Variants in WDFY4 observed in about 807,000 individuals in gnomAD.
WDFY4 encodes WDFY family member 4, also known as WD repeat- and FYVE domain-containing protein 4.
WDFY4 carries 169 observed loss-of-function variants against 351.9 expected under a neutral mutation model. The ratio of observed to expected loss-of-function variants is 0.48; its 90% CI spans 0.42 to 0.55. The LOEUF (loss-of-function observed/expected upper bound fraction) is 0.55. Among genes scored for constraint, WDFY4 ranks in the 20% least tolerant of loss-of-function variants. WDFY4 has a pLI of 0.00. For missense variants in WDFY4, 3,803 were observed against 3,935.6 expected, an observed-to-expected ratio of 0.97 and a Z score of 0.90; for synonymous variants, 1,622 against 1,574.6, an observed-to-expected ratio of 1.03 and a Z score of -0.71.
chr10:48,727,484 A>T lies in WDFY4; in HGVS notation c.796A>T (p.Arg266Trp). The change falls in exon 7 of 62, where the codon AGG (arginine) becomes TGG (tryptophan). Residue 266 changes from arginine to tryptophan, a missense_variant. Arg to Trp is a moderately radical substitution (Grantham distance 101). Coordinates refer to ENST00000325239, the MANE Select transcript of WDFY4 (RefSeq NM_001394531.1). The stretch of plus-strand genomic sequence containing the variant: ...CCCTCCTGCAGCCACAGACTGTGTC[A>T]GGCTCTCCCTCCAGAACCTCTCCAG... ...IQYLQATDCV[R>W]LSLQNLSRLT... 6.4e-7 allele frequency: 1 copy of T among 1,551,706 alleles called. No individual in the cohort carries two copies. The highest frequency in any genetic ancestry group is 8.7e-7 in the Non-Finnish European group (1 of 1,146,980).
At chr10:48,909,013 A>G (rs2133452644) in intron 47 of WDFY4, among the ~76,000 whole-genome samples, 1 of 140,124 alleles carries the variant, frequency 7.1e-6, no homozygotes, top group East Asian at 2.1e-4. Flanking sequence ...ATGGAATCAT[A>G]GAGTATGTGA....
intron 1 of WDFY4, among the ~76,000 whole-genome samples, chr10:48,698,755 G>A (rs578032690): frequency 6.6e-6 from 1 of 152,310 alleles, no homozygotes; most frequent in South Asian, 2.1e-4. Flanking sequence ...TCTGGCGGGT[G>A]AAGGGCTTTA....
At chr10:48,863,538 A>G (rs1214991428) in intron 39 of WDFY4, among the ~76,000 whole-genome samples, 1 of 152,064 alleles carries the variant, frequency 6.6e-6, no homozygotes. Flanking sequence ...CCATTTTTAA[A>G]TTGGATTATT....
chr10:48,934,402 C>T (rs1840223640), intron 47 of WDFY4, among the ~76,000 whole-genome samples: 1 of 152,200 alleles, frequency 6.6e-6, no homozygotes, highest in Non-Finnish European at 1.5e-5. Context: ...TTCATCTCCA[C>T]CGGGGGGATA....
In WDFY4 at chr10:48,804,861, G is replaced by A. The variant is rs979438604; in HGVS notation, c.4485-399G>A. On this transcript the variant is annotated intron_variant, in intron 25 of 61. Coordinates refer to ENST00000325239, the MANE Select transcript of WDFY4 (RefSeq NM_001394531.1). ...CCACTTTGTGGTTTGGGGCGGGCAG[G>A]AAGATCACACAACCAGACAAGCTAG... The A allele has an allele frequency of 2.5e-5, 22 of 863,032 alleles. No individual in the cohort carries two copies. In the African/African-American group the frequency reaches 3.7e-4, roughly 14 times the overall value. 53.5% of individuals were successfully genotyped at this position (863,032 alleles called of 1,614,324 possible). A position where few individuals can be genotyped will look rare whatever the true frequency, so the allele number is the denominator to read the frequency against.
chr10:48,687,739 C>G (rs913930029), intron 1 of WDFY4, among the ~76,000 whole-genome samples: 1 of 150,722 alleles, frequency 6.6e-6, no homozygotes, highest in Admixed American at 6.6e-5. Flanking sequence ...CTCAGCCTCC[C>G]TAGTAGCTGA....
rs766279131 is a variant in WDFY4 at position 48,731,578 on chromosome 10, T to C, written c.1582+16T>C. The C allele has an allele frequency of 3.3e-5, 51 of 1,544,840 alleles. No individual in the cohort carries two copies. In the African/African-American group the frequency reaches 4.7e-4, roughly 14 times the overall value. On this transcript the variant is annotated intron_variant, in intron 9 of 61. Transcript: ENST00000325239. ...AGGAAGTCAGGTGCCACTGGGTGCA[T>C]TGGGAGGGATGGGCAGGGGTCAGTG...
chr10:48,724,627 A>G (rs1487899743), intron 5 of WDFY4, among the ~76,000 whole-genome samples: 4 of 152,190 alleles, frequency 2.6e-5, no homozygotes, highest in Middle Eastern at 3.4e-3. Context: ...GCCACAGGGA[A>G]TAGACCATTC....
intron 43 of WDFY4, chr10:48,878,522 C>T (rs11598891): frequency 0.015 from 2,255 of 152,400 alleles, 24 homozygotes; most frequent in Non-Finnish European, 0.023. Context: ...TGTAACAATG[C>T]TGTCCTTATA....
chr10:48,961,390 G>A (rs1041496012), intron 53 of WDFY4, among the ~76,000 whole-genome samples: 8 of 152,204 alleles, frequency 5.3e-5, no homozygotes, highest in Non-Finnish European at 1.0e-4. Context: ...AAAAACAGGT[G>A]GGTGCTGATA....
At chr10:48,941,004 C>T (rs936911349) in intron 47 of WDFY4, among the ~76,000 whole-genome samples, 1 of 152,166 alleles carries the variant, frequency 6.6e-6, no homozygotes, top group African/African-American at 2.4e-5. Context: ...ATGGTAAATA[C>T]TCATACTTTT....
Position 48,743,244 on chromosome 10 carries a change from G to T in WDFY4, c.2155G>T (p.Gly719Cys), listed in dbSNP as rs1239347040. The T allele has an allele frequency of 6.4e-7, 1 of 1,551,692 alleles. No individual in the cohort carries two copies. Among genetic ancestry groups the T allele is most frequent in the Non-Finnish European group, 8.7e-7 (1 of 1,146,990 alleles). Residue 719 changes from glycine (G) to cysteine (C), a missense_variant, in exon 12 of 62, where the codon GGC becomes TGC. Around this residue, in one of 3 missense-constraint regions of WDFY4, gnomAD observed 3,054 missense variants for 3,148.6 expected, o/e 0.97. Transcript: ENST00000325239. ...EKLAEDLCLL[G>C]CFGALEEEGN... ...GCTGGCCGAGGACCTCTGCCTGCTG[G>T]GCTGTTTTGGAGCCCTGGAGGAAGA...
intron 12 of WDFY4, among the ~76,000 whole-genome samples, chr10:48,750,261 GA>G (rs1214188474): frequency 6.6e-6 from 1 of 152,248 alleles, no homozygotes; most frequent in Non-Finnish European, 1.5e-5. Flanking sequence ...CTGGCCTTTG[GA>G]AGGCACAGAT....
intron 51 of WDFY4, among the ~76,000 whole-genome samples, chr10:48,951,014 C>A (rs1033118271): frequency 3.3e-5 from 5 of 152,156 alleles, no homozygotes; most frequent in African/African-American, 1.2e-4. Flanking sequence ...GCACTGTGGC[C>A]CATTTACCCT....
Position 48,731,246 on chromosome 10 carries a change from G to C in WDFY4, c.1266G>C (p.Leu422=). 5 of 1,551,950 alleles carry C rather than the reference G, an allele frequency of 3.2e-6. No individual in the cohort carries two copies. Among genetic ancestry groups the C allele is most frequent in the Admixed American group, 2.0e-5 (1 of 51,008 alleles). ...CCTGGAATGCTCGAAACTTCTTCCT[G>C]CTGGAGTGGACCCTGCAGCCCATCT... The part of the protein sequence containing the change: ...MWAWNARNFF[L]LEWTLQPISQ... Residue 422 remains leucine, a synonymous_variant, in exon 9 of 62, where the codon CTG becomes CTC. Transcript: ENST00000325239.
chr10:48,770,110 G>A (rs571462613), intron 13 of WDFY4, among the ~76,000 whole-genome samples: 4 of 152,264 alleles, frequency 2.6e-5, no homozygotes, highest in Admixed American at 6.5e-5. Context: ...AAAAAACAGC[G>A]CATTTTATTC....
chr10:48,795,491 G>GTATATATATATATATA (rs60705301), intron 23 of WDFY4, among the ~76,000 whole-genome samples: 11 of 101,208 alleles, frequency 1.1e-4, no homozygotes, highest in African/African-American at 1.4e-4. Context: ...GTGTGTGTCT[G>GTATATATATATATATA]TATATATATA....
At chr10:48,791,646 G>C (rs2066684839) in intron 23 of WDFY4, among the ~76,000 whole-genome samples, 1 of 152,228 alleles carries the variant, frequency 6.6e-6, no homozygotes, top group South Asian at 2.1e-4. Context: ...CACTGCCCTT[G>C]AGTAACTTCT....
At chr10:48,730,934 A>G in intron 8 of WDFY4, among the ~76,000 whole-genome samples, 176 bp from the exon 9 acceptor site, 1 of 152,204 alleles carries the variant, frequency 6.6e-6, no homozygotes, top group Non-Finnish European at 1.5e-5. Context: ...ACCATGCTGC[A>G]CTAGCCTTCT....
Sources: allele counts gnomAD v4.1 joint callset (sites outside exome capture counted in the v4.1 genomes callset), GRCh38; gene constraint gnomAD v4.1.1; regional missense constraint gnomAD v4.1.1; transcripts MANE v1.5; gene names NCBI Gene and HGNC (gene_info 2026-07-23, HGNC 2026-07-21).